Variants in FOXP2 observed in about 807,000 individuals in gnomAD.
FOXP2 encodes forkhead box protein P2.
Under a neutral mutation model 115.8 loss-of-function variants are expected in FOXP2, and 12 were observed. That is an observed-to-expected ratio of 0.10 (90% CI 0.07 to 0.17). The LOEUF is 0.17. FOXP2 is among the 10% of genes least tolerant of loss of function. The probability of loss-of-function intolerance (pLI) is 1.00; values close to 1 mark genes in which losing one functional copy is unlikely to be tolerated. For missense variants in FOXP2, 629 were observed against 843.5 expected, an observed-to-expected ratio of 0.75 and a Z score of 3.15; for synonymous variants, 328 against 297.7, an observed-to-expected ratio of 1.10 and a Z score of -1.05.
chr7:114,546,649 C>G (rs76788027), intron 3 of FOXP2, among the ~76,000 whole-genome samples: 1 of 151,954 alleles, frequency 6.6e-6, no homozygotes, highest in African/African-American at 2.4e-5. Context: ...CCCCTAATCC[C>G]TGGAGTCTTC....
At chr7:114,275,708 C>T (rs1436947014) in intron 1 of FOXP2, among the ~76,000 whole-genome samples, 2 of 152,148 alleles carry the variant, frequency 1.3e-5, no homozygotes, top group African/African-American at 4.8e-5. Context: ...GGTGTCCTTT[C>T]AAATTATGAT....
At chr7:114,370,350 G>A (rs145606683) in intron 2 of FOXP2, among the ~76,000 whole-genome samples, 34 of 152,316 alleles carry the variant, frequency 2.2e-4, no homozygotes, top group African/African-American at 7.2e-4. Flanking sequence ...CAAAAGAGTC[G>A]TGCCCCAATG....
At chr7:114,349,673 G>GTA (rs780477078) in intron 2 of FOXP2, among the ~76,000 whole-genome samples, 4 of 149,340 alleles carry the variant, frequency 2.7e-5, no homozygotes, top group Admixed American at 6.7e-5. Context: ...GTGTGTGTCT[G>GTA]TGTGTGTGTG....
intron 1 of FOXP2, among the ~76,000 whole-genome samples, chr7:114,210,520 T>C (rs1349532495): frequency 1.3e-5 from 2 of 152,120 alleles, no homozygotes; most frequent in Non-Finnish European, 2.9e-5. Context: ...ATTTTTGCCC[T>C]GGAAGCTGTA....
At chr7:114,317,059 G>A (rs1797295119) in intron 2 of FOXP2, among the ~76,000 whole-genome samples, 1 of 152,140 alleles carries the variant, frequency 6.6e-6, no homozygotes, top group Non-Finnish European at 1.5e-5. Flanking sequence ...TTTTCCTGGG[G>A]AAGTGAAAGT....
chr7:114,120,483 G>A (rs1300743187), intron 1 of FOXP2, among the ~76,000 whole-genome samples: 1 of 152,066 alleles, frequency 6.6e-6, no homozygotes, highest in Non-Finnish European at 1.5e-5. Flanking sequence ...TAAGAAAGGG[G>A]GCAGGGAGAT....
chr7:114,249,406 T>G (rs966261054), intron 1 of FOXP2, among the ~76,000 whole-genome samples: 1 of 151,728 alleles, frequency 6.6e-6, no homozygotes, highest in Non-Finnish European at 1.5e-5. Flanking sequence ...GTTGTTCCCC[T>G]CCCTGTGTCC....
chr7:114,597,747 T>C (rs1802804150), intron 3 of FOXP2, among the ~76,000 whole-genome samples: 1 of 152,164 alleles, frequency 6.6e-6, no homozygotes. Flanking sequence ...TACTGGAGGC[T>C]CTTTGGCAAG....
In FOXP2 at chr7:114,331,389, T is replaced by G. The variant is rs192154550; in HGVS notation, c.-11+43280T>G. ...ATAGTGATCAAATGTAAAGGAATTCTTTTTAATATCAATATATAACCTTAG... is the reference window on the plus strand; with the variant it reads ...ATAGTGATCAAATGTAAAGGAATTCGTTTTAATATCAATATATAACCTTAG... On this transcript the variant is annotated intron_variant, in intron 2 of 17. Coordinates refer to the FOXP2 transcript ENST00000634411. 3.9e-5 allele frequency among the ~76,000 whole-genome samples: 6 copies of G among 152,296 alleles called. No homozygotes were observed. The East Asian group carries it at 1.2e-3, about 29-fold the overall frequency.
At chr7:114,542,839 G>A (rs1330701724) in intron 3 of FOXP2, among the ~76,000 whole-genome samples, 2 of 146,424 alleles carry the variant, frequency 1.4e-5, no homozygotes, top group African/African-American at 5.0e-5. Flanking sequence ...CACCCAGGTT[G>A]TAGTGCAGTG....
At chr7:114,121,748 T>C (rs1322431599) in intron 1 of FOXP2, among the ~76,000 whole-genome samples, 1 of 152,026 alleles carries the variant, frequency 6.6e-6, no homozygotes, top group Non-Finnish European at 1.5e-5. Flanking sequence ...GTTAAGGAGA[T>C]ATGGGGAGGT....
intron 1 of FOXP2, among the ~76,000 whole-genome samples, chr7:114,152,603 A>ACATC (rs1207642966): frequency 1.3e-5 from 2 of 152,182 alleles, no homozygotes; most frequent in African/African-American, 4.8e-5. Flanking sequence ...TAAGTCTGGA[A>ACATC]CATCGCCTAC....
chr7:114,692,572 G>T lies in FOXP2; in HGVS notation c.*2646G>T. 1 of 452,592 alleles carries T rather than the reference G, an allele frequency of 2.2e-6. No homozygotes were observed. The highest frequency in any genetic ancestry group is 1.6e-5 in the South Asian group (1 of 63,690). The allele number at this position is 452,592 out of a possible 1,614,324, so 28.0% of individuals were successfully genotyped here. ...CATGAATTTTTACTCTTATATCATT[G>T]CTTGCTAGTAATAGCAAATCTGCTT... is the stretch of plus-strand genomic sequence containing the variant. On this transcript the variant is annotated 3_prime_UTR_variant, in exon 17 of 17. Coordinates refer to ENST00000350908, the MANE Select transcript of FOXP2 (RefSeq NM_014491.4).
At chr7:114,417,737 G>C (rs1793411122) in intron 1 of FOXP2, among the ~76,000 whole-genome samples, 2 of 151,916 alleles carry the variant, frequency 1.3e-5, no homozygotes, top group Middle Eastern at 3.4e-3. Flanking sequence ...ACTGACACTG[G>C]AACTGTAAAA....
chr7:114,361,619 A>T (rs1415297533), intron 2 of FOXP2, among the ~76,000 whole-genome samples: 1 of 152,094 alleles, frequency 6.6e-6, no homozygotes, highest in Non-Finnish European at 1.5e-5. Context: ...AAATTTTAGA[A>T]ATACTTTTAT....
At chr7:114,409,946 C>T (rs150656958), upstream of FOXP2, among the ~76,000 whole-genome samples, 437 of 152,158 alleles carry the variant, frequency 2.9e-3, 3 homozygotes, top group African/African-American at 0.01. Flanking sequence ...TGACTAAGCT[C>T]CAATCTATCT....
At chr7:114,314,482 T>C (rs1411270666) in intron 2 of FOXP2, among the ~76,000 whole-genome samples, 2 of 152,046 alleles carry the variant, frequency 1.3e-5, no homozygotes, top group Non-Finnish European at 2.9e-5. Flanking sequence ...CTGAACAATC[T>C]CCACTGAGCA....
intron 3 of FOXP2, among the ~76,000 whole-genome samples, chr7:114,569,540 A>G (rs1170984451): frequency 6.6e-6 from 1 of 151,964 alleles, no homozygotes; most frequent in Non-Finnish European, 1.5e-5. Flanking sequence ...CTAATTATGC[A>G]CTGGTGCCAA....
upstream of FOXP2, among the ~76,000 whole-genome samples, chr7:114,159,108 A>T (rs1360095226): frequency 3.3e-5 from 5 of 152,182 alleles, no homozygotes; most frequent in African/African-American, 7.2e-5. Context: ...AATTGGGACT[A>T]GAATGGTATC....
Sources: gnomAD v4.1 joint callset for allele counts (sites outside exome capture counted in the v4.1 genomes callset) on GRCh38, gnomAD v4.1.1 for gene constraint, MANE v1.5 for transcripts, NCBI Gene and HGNC (gene_info 2026-07-23, HGNC 2026-07-21) for gene names.